RALGPS1: variants seen among roughly 807,000 people sequenced by gnomAD.
RALGPS1 encodes ras-specific guanine nucleotide-releasing factor RalGPS1.
Under a neutral mutation model 78.8 loss-of-function variants are expected in RALGPS1, and 19 were observed. The ratio of observed to expected loss-of-function variants is 0.24; its 90% CI spans 0.17 to 0.35. The LOEUF is 0.35. Among genes scored for constraint, RALGPS1 ranks in the 10% least tolerant of loss-of-function variants. The pLI, the probability that RALGPS1 is intolerant of heterozygous loss-of-function variation, is 1.00. For missense variants in RALGPS1, 454 were observed against 688.3 expected (o/e 0.66, Z 3.81); for synonymous variants, 228 against 256.3 (o/e 0.89, Z 1.06).
intron 4 of RALGPS1, among the ~76,000 whole-genome samples, chr9:127,029,629 G>A (rs1354197954): frequency 2.6e-5 from 4 of 152,342 alleles, no homozygotes; most frequent in East Asian, 3.9e-4. Flanking sequence ...TTTGATGAAC[G>A]TGATTTGGAG....
At chr9:126,917,667 G>A (rs1374318652) in intron 1 of RALGPS1, among the ~76,000 whole-genome samples, 1 of 152,204 alleles carries the variant, frequency 6.6e-6, no homozygotes, top group Non-Finnish European at 1.5e-5. Context: ...AGGGGAGAAG[G>A]CACCTGATCC....
At chr9:127,216,924 G>A (rs1444783562) in intron 18 of RALGPS1, 1 of 1,547,440 alleles carries the variant, frequency 6.5e-7, no homozygotes. Context: ...AGCAGCTCCA[G>A]GTCCAACAGG....
At chr9:126,985,304 G>C (rs1476263603) in intron 4 of RALGPS1, among the ~76,000 whole-genome samples, 1 of 152,180 alleles carries the variant, frequency 6.6e-6, no homozygotes, top group Non-Finnish European at 1.5e-5. Context: ...TCCACACTGA[G>C]ACAAGCCAAA....
At chr9:126,947,617 AAGTGAAAAGTG>A (rs138997198) in intron 1 of RALGPS1, among the ~76,000 whole-genome samples, 4,174 of 152,328 alleles carry the variant, frequency 0.027, 50 homozygotes, top group Middle Eastern at 0.048. Context: ...GGCACAAAGT[AAGTGAAAAGTG>A]AGTGTTCAGA....
intron 1 of RALGPS1, among the ~76,000 whole-genome samples, chr9:126,950,082 A>G (rs1383498552): frequency 2.0e-5 from 3 of 152,078 alleles, no homozygotes; most frequent in Non-Finnish European, 4.4e-5. Context: ...TCCTTTCCCC[A>G]TTGCTTGTTT....
intron 14 of RALGPS1, chr9:127,210,911 G>A: frequency 4.1e-6 from 3 of 735,802 alleles, no homozygotes; most frequent in Non-Finnish European, 2.2e-6. Flanking sequence ...ACTGCCAGGT[G>A]CACTGGCTGT....
intron 8 of RALGPS1, among the ~76,000 whole-genome samples, chr9:127,082,475 A>C (rs1355177730): frequency 2.0e-5 from 3 of 152,148 alleles, no homozygotes; most frequent in Non-Finnish European, 2.9e-5. Context: ...TGGCTACCTG[A>C]CATATCCACT....
intron 4 of RALGPS1, among the ~76,000 whole-genome samples, chr9:127,018,250 C>A (rs534786963): frequency 5.3e-5 from 8 of 151,328 alleles, no homozygotes; most frequent in African/African-American, 1.9e-4. Flanking sequence ...AACCAACCAA[C>A]CAAACAAAAT....
intron 11 of RALGPS1, among the ~76,000 whole-genome samples, chr9:127,193,336 G>A (rs1407112815): frequency 1.3e-5 from 2 of 152,210 alleles, no homozygotes; most frequent in Admixed American, 1.3e-4. Flanking sequence ...TTGCCCGGGG[G>A]CACTGAGGAA....
At chr9:127,111,701 A>G (rs1230621245) in intron 8 of RALGPS1, among the ~76,000 whole-genome samples, 1 of 152,196 alleles carries the variant, frequency 6.6e-6, no homozygotes, top group African/African-American at 2.4e-5. Context: ...TGTTCTCATA[A>G]TCTCCTTTTA....
At chr9:127,021,916 A>C (rs781459234) in intron 4 of RALGPS1, among the ~76,000 whole-genome samples, 1 of 152,096 alleles carries the variant, frequency 6.6e-6, no homozygotes, top group Non-Finnish European at 1.5e-5. Context: ...GTGCAGAGCT[A>C]CGTAGTACTA....
intron 14 of RALGPS1, among the ~76,000 whole-genome samples, chr9:127,206,837 C>G (rs978660425): frequency 6.6e-6 from 1 of 152,060 alleles, no homozygotes; most frequent in African/African-American, 2.4e-5. Context: ...GCCTTTCAGA[C>G]CTGCTTGACT....
chr9:127,106,645 A>T (rs1377738041), intron 8 of RALGPS1, among the ~76,000 whole-genome samples: 1 of 152,154 alleles, frequency 6.6e-6, no homozygotes, highest in African/African-American at 2.4e-5. Flanking sequence ...CCTGCTCTCA[A>T]TCCTGCACCC....
chr9:127,199,663 G>A lies in RALGPS1; in HGVS notation c.1247+597G>A, dbSNP rs148468052. Among the ~76,000 whole-genome samples the A allele has an allele frequency of 1.0e-3, 158 of 152,180 alleles. 3 individuals carry two copies. Among genetic ancestry groups the A allele is most frequent in the South Asian group, 0.01 (50 of 4,822 alleles). ...TGTCTGCCAGGGCCCCAGGCCTCCT[G>A]CTCAGGAATTCCCATCGCACAGCTC... is the stretch of plus-strand genomic sequence containing the variant. On this transcript the variant is annotated intron_variant, in intron 14 of 18. Transcript: ENST00000259351.
intron 1 of RALGPS1, among the ~76,000 whole-genome samples, chr9:126,956,462 G>A (rs2038349138): frequency 6.6e-6 from 1 of 152,200 alleles, no homozygotes; most frequent in Admixed American, 6.5e-5. Flanking sequence ...TTTTTGTCGG[G>A]GGCGAGACAT....
chr9:127,109,360 G>A (rs2054574362), intron 8 of RALGPS1, among the ~76,000 whole-genome samples: 1 of 152,178 alleles, frequency 6.6e-6, no homozygotes, highest in African/African-American at 2.4e-5. Context: ...TGCACTTTGG[G>A]CAAATATTTG....
At chr9:127,021,521 G>C (rs2045444841) in intron 4 of RALGPS1, among the ~76,000 whole-genome samples, 1 of 146,952 alleles carries the variant, frequency 6.8e-6, no homozygotes, top group Non-Finnish European at 1.5e-5. Flanking sequence ...AAGGCATTCA[G>C]ATTTTTAAAA....
At chr9:126,989,784 G>T in intron 4 of RALGPS1, 1 of 1,426,578 alleles carries the variant, frequency 7.0e-7, no homozygotes. Flanking sequence ...TATTCCTGTG[G>T]GACACTTACT....
At position 126,969,013 on chromosome 9, in the gene RALGPS1, A is replaced by T. The variant is rs540886142; in HGVS notation, c.165+3062A>T. Among the ~76,000 whole-genome samples, 6 of 152,052 alleles carry T rather than the reference A, an allele frequency of 3.9e-5. No individual in the cohort carries two copies. The East Asian group carries it at 1.2e-3, about 29-fold the overall frequency. Reference sequence around the variant, plus strand: ...CGGTGAGCCGAGATTGCGCCATTGCACTCCAGCCTGGGCAAAAAGAGCGAA... The same window carrying T: ...CGGTGAGCCGAGATTGCGCCATTGCTCTCCAGCCTGGGCAAAAAGAGCGAA... On this transcript the variant is annotated intron_variant, in intron 3 of 18. Coordinates refer to ENST00000259351, the MANE Select transcript of RALGPS1 (RefSeq NM_014636.3).
Sources: gnomAD v4.1 joint callset for allele counts (sites outside exome capture counted in the v4.1 genomes callset) on GRCh38, gnomAD v4.1.1 for gene constraint, MANE v1.5 for transcripts, NCBI Gene and HGNC (gene_info 2026-07-23, HGNC 2026-07-21) for gene names.